RBBP7: variants seen among roughly 807,000 people sequenced by gnomAD.
RBBP7 encodes the protein histone-binding protein RBBP7.
In RBBP7, 5 loss-of-function variants were observed where a neutral mutation model predicts 35.2. That is an observed-to-expected ratio of 0.14 (90% confidence interval 0.07 to 0.30). The LOEUF is 0.30. Among genes scored for constraint, RBBP7 ranks in the 10% least tolerant of loss-of-function variants. The pLI is 1.00. For missense variants in RBBP7, 155 were observed against 327.5 expected (o/e 0.47, Z 4.07); for synonymous variants, 140 against 118.7 (o/e 1.18, Z -1.17).
chrX:16,854,249 C>T (rs777625673), intron 5 of RBBP7, among the ~76,000 whole-genome samples: 12 of 111,395 alleles, frequency 1.1e-4, no homozygotes, highest in African/African-American at 1.6e-4. Context: ...AACTATTCAA[C>T]TATATAAGTT....
chrX:16,849,315 GA>G lies in RBBP7; in HGVS notation c.1041-15del, dbSNP rs1930159976. 8.4e-7 allele frequency: 1 copy of G among 1,195,142 alleles called. No homozygotes were observed. Among genetic ancestry groups the G allele is most frequent in the African/African-American group, 1.8e-5 (1 of 57,049 alleles). On this transcript the variant is annotated splice_polypyrimidine_tract_variant and intron_variant, in intron 9 of 11. Transcript: ENST00000380087. ...TCCCCAATTTTACTGTAAGAATAAA[GA>G]ATATAACGCTTTCATCAGTGAAATT...
rs1930726900 is a variant in RBBP7 at position 16,869,728 on chromosome X, C to T, written c.16+310G>A. On this transcript the variant is annotated intron_variant, in intron 1 of 11. Transcript: ENST00000380087. ...CGCGCGCGTAGAAAGAGCCGCGGCG[C>T]TCGCTTCCCAGCGGCGGGGGCCGCC... 29 of 977,819 alleles carry T rather than the reference C, an allele frequency of 3.0e-5. 1 individual carries two copies. The South Asian group carries it at 1.3e-3, about 43-fold the overall frequency. 80.6% of individuals were successfully genotyped at this position (977,819 alleles called of 1,213,427 possible). A position where few individuals can be genotyped will look rare whatever the true frequency, so the allele number is the denominator to read the frequency against.
intron 10 of RBBP7, 111 bp from the exon 11 acceptor site, chrX:16,846,049 T>C: frequency 9.2e-7 from 1 of 1,091,246 alleles, no homozygotes; most frequent in Non-Finnish European, 1.2e-6. Context: ...GTGGGTGCTG[T>C]CTGGTTTTAG....
chrX:16,845,962 T>C, intron 10 of RBBP7, 24 bp from the exon 11 acceptor site: 1 of 1,200,702 alleles, frequency 8.3e-7, no homozygotes, highest in Admixed American at 2.3e-5. Flanking sequence ...AAAAAAAGCT[T>C]TGATTTCATA....
chrX:16,853,023 G>A (rs981806583), intron 6 of RBBP7, 148 bp from the exon 7 acceptor site: 29 of 914,963 alleles, frequency 3.2e-5, no homozygotes, highest in African/African-American at 5.9e-5. Context: ...TTCAGACCTC[G>A]ACCACTAAAT....
chrX:16,858,923 C>T, intron 3 of RBBP7, 74 bp from the exon 4 acceptor site: 1 of 1,152,435 alleles, frequency 8.7e-7, no homozygotes, highest in Admixed American at 2.4e-5. Context: ...TTCAATCAAC[C>T]TAACAGATTT....
At chrX:16,855,053 CTT>C (rs66524293) in intron 5 of RBBP7, among the ~76,000 whole-genome samples, 24 of 86,835 alleles carry the variant, frequency 2.8e-4, no homozygotes, top group Non-Finnish European at 2.9e-4. Context: ...ATTAAATCAC[CTT>C]TTTTTTTTTT....
chrX:16,846,208 T>C (rs962294206), intron 10 of RBBP7: 33 of 234,804 alleles, frequency 1.4e-4, no homozygotes, highest in Non-Finnish European at 2.1e-4. Flanking sequence ...GCTTTATCCA[T>C]GAGCCTATAC....
At chrX:16,869,842 G>A in intron 1 of RBBP7, 196 bp downstream of exon 1, 1 of 876,787 alleles carries the variant, frequency 1.1e-6, no homozygotes, top group Non-Finnish European at 1.4e-6. Context: ...CCCGCGCCCG[G>A]CTCCGGAAGT....
At chrX:16,860,538 A>C (rs908718721) in intron 3 of RBBP7, among the ~76,000 whole-genome samples, 1 of 109,346 alleles carries the variant, frequency 9.1e-6, no homozygotes, top group African/African-American at 3.3e-5. Context: ...AATACAAAAA[A>C]TCAGCTAGGT....
At chrX:16,847,928 T>C (rs1930120875) in intron 10 of RBBP7, 1 of 111,495 alleles carries the variant, frequency 9.0e-6, no homozygotes, top group Admixed American at 9.5e-5. Context: ...AAAATCCTAG[T>C]GTATTTTCTC....
At chrX:16,867,518 A>G (rs1385691909) in intron 2 of RBBP7, among the ~76,000 whole-genome samples, 5 of 111,337 alleles carry the variant, frequency 4.5e-5, no homozygotes, top group Non-Finnish European at 9.4e-5. Flanking sequence ...AGTCTCCATC[A>G]TTTAGTTCTT....
intron 3 of RBBP7, among the ~76,000 whole-genome samples, chrX:16,859,179 A>T (rs34506328): frequency 0.12 from 13,221 of 112,270 alleles, 593 homozygotes; most frequent in East Asian, 0.26. Flanking sequence ...TAATAAGCAG[A>T]CCAATAGCTT....
chrX:16,869,031 C>A lies in RBBP7; in HGVS notation c.161+45G>T, dbSNP rs1444347277. 1.1e-5 allele frequency: 13 copies of A among 1,168,538 alleles called. No individual in the cohort carries two copies. The South Asian group carries it at 1.6e-4, about 14-fold the overall frequency. ...AACGCCAAAACTAGGAAATTCAGAA[C>A]GACAGTTAAATTTAAACAAAATAAA... On this transcript the variant is annotated intron_variant, in intron 2 of 11. Transcript: ENST00000380087.
In RBBP7 at chrX:16,866,583, A is replaced by C. The variant is rs770654530; in HGVS notation, c.161+2493T>G. ...GAAAGAAAGAAAGCAAGAAAGCAAG[A>C]AAGCAAGCCAGCCAGCCAAATCAAT... is the stretch of plus-strand genomic sequence containing the variant. On this transcript the variant is annotated intron_variant, in intron 2 of 11. Coordinates refer to ENST00000380087, the MANE Select transcript of RBBP7 (RefSeq NM_002893.4). Among the ~76,000 whole-genome samples the C allele has an allele frequency of 3.9e-5, 4 of 103,613 alleles. No individual in the cohort carries two copies. In the East Asian group the frequency reaches 9.1e-4, roughly 24 times the overall value. 90.0% of individuals were successfully genotyped at this position (103,613 alleles called of 115,157 possible).
In RBBP7 at chrX:16,869,890, G is replaced by A. The variant is rs1365625259; in HGVS notation, c.16+148C>T. On this transcript the variant is annotated intron_variant, in intron 1 of 11. Coordinates refer to ENST00000380087, the MANE Select transcript of RBBP7 (RefSeq NM_002893.4). ...CGGCGCGGCGGTCCCGTCCCGCGCA[G>A]GCCCCTCGAGGCGCGCGCCCAGTCT... 142 of 787,638 alleles carry A rather than the reference G, an allele frequency of 1.8e-4. 1 individual carries two copies. In the African/African-American group the frequency reaches 3.0e-3, roughly 17 times the overall value. 64.9% of individuals were successfully genotyped at this position (787,638 alleles called of 1,213,427 possible). A position where few individuals can be genotyped will look rare whatever the true frequency, so the allele number is the denominator to read the frequency against.
Position 16,855,355 on chromosome X carries a change from T to C in RBBP7, c.598-1513A>G, listed in dbSNP as rs1193754139. ...GCGTGAGCCACTGTGCCCAGCCACA[T>C]GAAGGACTTTCTGTAACAAAGCTAT... On this transcript the variant is annotated intron_variant, in intron 5 of 11. Coordinates refer to ENST00000380087, the MANE Select transcript of RBBP7 (RefSeq NM_002893.4). Among the ~76,000 whole-genome samples, 3 of 112,389 alleles carry C rather than the reference T, an allele frequency of 2.7e-5. No individual in the cohort carries two copies. In the Admixed American group the frequency reaches 2.8e-4, roughly 11 times the overall value.
intron 5 of RBBP7, among the ~76,000 whole-genome samples, chrX:16,855,962 C>T (rs1428753023): frequency 2.4e-5 from 2 of 82,774 alleles, no homozygotes. Flanking sequence ...AGCCACTGCA[C>T]TTCAGCCTGG....
Position 16,864,508 on chromosome X carries a change from C to T in RBBP7, c.162-1408G>A, listed in dbSNP as rs185622266. Among the ~76,000 whole-genome samples the T allele has an allele frequency of 7.5e-3, 613 of 81,654 alleles. 9 individuals carry two copies. The highest frequency in any genetic ancestry group is 0.031 in the African/African-American group (573 of 18,299). The allele number at this position is 81,654 out of a possible 115,157, so 70.9% of individuals were successfully genotyped here. On this transcript the variant is annotated intron_variant, in intron 2 of 11. Transcript: ENST00000380087. ...CACCATTGCACTCCAGCCTGGGCAACGAGTGAAACTCCGTCTCCAAAAAAA... is the reference window on the plus strand; with the variant it reads ...CACCATTGCACTCCAGCCTGGGCAATGAGTGAAACTCCGTCTCCAAAAAAA...
Sources: allele counts gnomAD v4.1 joint callset (sites outside exome capture counted in the v4.1 genomes callset), GRCh38; gene constraint gnomAD v4.1.1; transcripts MANE v1.5; gene names NCBI Gene and HGNC (gene_info 2026-07-23, HGNC 2026-07-21).